The following LIPJ variants were observed in gnomAD, a reference collection of about 807,000 sequenced individuals.
The protein encoded by LIPJ is lipase member J.
In LIPJ, 33 loss-of-function variants were observed where a neutral mutation model predicts 39.8. The observed-to-expected ratio is 0.83, with a 90% CI of 0.63 to 1.11. The LOEUF is 1.11. Ranked by LOEUF, LIPJ falls within the 50% of genes least tolerant of loss-of-function variation. LIPJ has a pLI of 0.00. For synonymous variants in LIPJ, 128 were observed against 139.2 expected (o/e 0.92, Z 0.57); for missense variants, 422 against 427.9 (o/e 0.99, Z 0.12).
chr10:88,596,162 ATAAGT>A, intron 6 of LIPJ, 113 bp from the exon 7 acceptor site: 2 of 637,490 alleles, frequency 3.1e-6, no homozygotes, highest in South Asian at 4.9e-5. Context: ...GAATTAAGAA[ATAAGT>A]TAATTGTTCA....
chr10:88,618,118 C>T, the LIPJ span: 1 of 151,978 alleles, frequency 6.6e-6, no homozygotes, highest in African/African-American at 2.4e-5. Context: ...CATGTACAAT[C>T]TGCATGTGGA....
intron 4 of LIPJ, 54 bp from the exon 5 acceptor site, chr10:88,593,892 T>A: frequency 6.8e-7 from 1 of 1,467,426 alleles, no homozygotes; most frequent in East Asian, 2.3e-5. Flanking sequence ...GATAAAAGAT[T>A]TTCATATAGA....
the LIPJ span, among the ~76,000 whole-genome samples, chr10:88,612,786 T>C: frequency 1.3e-5 from 2 of 151,832 alleles, no homozygotes; most frequent in Non-Finnish European, 2.9e-5. Flanking sequence ...ACAATAATAA[T>C]GGGGAACTTT....
At chr10:88,601,869 C>A (rs990108340) in intron 8 of LIPJ, among the ~76,000 whole-genome samples, 2 of 152,102 alleles carry the variant, frequency 1.3e-5, no homozygotes, top group African/African-American at 4.8e-5. Flanking sequence ...GTAAGACAGG[C>A]CTTTTCTTCT....
At chr10:88,587,089 C>T (rs1850936563) in intron 1 of LIPJ, 177 bp from the exon 2 acceptor site, 1 of 151,678 alleles carries the variant, frequency 6.6e-6, no homozygotes, top group African/African-American at 2.4e-5. Context: ...CTTTTAATTG[C>T]TTTTTAATGG....
At chr10:88,583,383 G>T (rs531052114), upstream of LIPJ, 4 of 1,387,106 alleles carry the variant, frequency 2.9e-6, no homozygotes, top group African/African-American at 6.0e-5. Context: ...AGGCCCCTCC[G>T]TCCTTGAGGA....
intron 8 of LIPJ, among the ~76,000 whole-genome samples, chr10:88,599,537 C>A (rs1176956010): frequency 6.6e-6 from 1 of 151,834 alleles, no homozygotes; most frequent in Admixed American, 6.6e-5. Context: ...ACTTGTCTTT[C>A]TCTATTTGGC....
upstream of LIPJ, chr10:88,583,703 A>G: frequency 1.0e-6 from 1 of 985,802 alleles, no homozygotes; most frequent in Non-Finnish European, 1.2e-6. Context: ...TAATAGAAAC[A>G]TCTTTTGGAA....
exon 8 of LIPJ, chr10:88,596,888 C>T (rs750286551): frequency 1.3e-6 from 2 of 1,587,532 alleles, no homozygotes; most frequent in South Asian, 2.2e-5. Context: ...AGATTTGCCT[C>T]AATATCTTGT....
upstream of LIPJ, among the ~76,000 whole-genome samples, chr10:88,586,058 T>G (rs894386189): frequency 2.6e-5 from 4 of 152,238 alleles, no homozygotes; most frequent in East Asian, 7.7e-4. Context: ...CTGTTCTCTG[T>G]GTATACAGCA....
chr10:88,607,251 G>A (rs1237940845), downstream of LIPJ, among the ~76,000 whole-genome samples: 2 of 152,040 alleles, frequency 1.3e-5, no homozygotes, highest in Admixed American at 1.3e-4. Context: ...TAAAAATAGA[G>A]TTTTGAGAAA....
chr10:88,602,550 CTTT>C (rs11343654), intron 8 of LIPJ, 23 bp from the exon 9 acceptor site: 33,383 of 1,005,882 alleles, frequency 0.033, no homozygotes, highest in East Asian at 0.051. Flanking sequence ...TATAAAAATG[CTTT>C]TTTTTTTTTT....
intron 9 of LIPJ, among the ~76,000 whole-genome samples, chr10:88,604,013 C>T (rs1211783355): frequency 6.6e-6 from 1 of 152,158 alleles, no homozygotes; most frequent in Non-Finnish European, 1.5e-5. Context: ...AAAACAAGAA[C>T]TCCTGTCATC....
chr10:88,604,786 G>A (rs991698756), intron 9 of LIPJ, among the ~76,000 whole-genome samples: 16 of 152,128 alleles, frequency 1.1e-4, no homozygotes, highest in African/African-American at 3.6e-4. Flanking sequence ...TAGAATTTAG[G>A]AAAGACTTAT....
the LIPJ span, among the ~76,000 whole-genome samples, chr10:88,619,982 A>G: frequency 6.6e-6 from 1 of 152,202 alleles, no homozygotes; most frequent in Admixed American, 6.5e-5. Flanking sequence ...AACTTGGAGA[A>G]ATATTTGCAC....
At chr10:88,615,792 A>G in the LIPJ span, among the ~76,000 whole-genome samples, 1 of 152,220 alleles carries the variant, frequency 6.6e-6, no homozygotes. Context: ...TGGCCTGGAA[A>G]TATCTACTAA....
At chr10:88,610,525 T>C (rs1851735566), downstream of LIPJ, among the ~76,000 whole-genome samples, 1 of 152,170 alleles carries the variant, frequency 6.6e-6, no homozygotes, top group South Asian at 2.1e-4. Context: ...CCCTGGGCTC[T>C]TTTTTTCTTA....
chr10:88,586,126 TTTC>T, upstream of LIPJ, among the ~76,000 whole-genome samples: 1 of 152,328 alleles, frequency 6.6e-6, no homozygotes, highest in South Asian at 2.1e-4. Flanking sequence ...GTCTTTTTTC[TTTC>T]TCCCTATGAT....
At chr10:88,613,816 GTATATATATA>G in the LIPJ span, among the ~76,000 whole-genome samples, 8 of 69,654 alleles carry the variant, frequency 1.1e-4, no homozygotes, top group South Asian at 4.8e-4. Flanking sequence ...GTGTGTGTGT[GTATATATATA>G]TATGTGTGTA....
Sources: gnomAD v4.1 joint callset for allele counts (sites outside exome capture counted in the v4.1 genomes callset) on GRCh38, gnomAD v4.1.1 for gene constraint, MANE v1.5 for transcripts, NCBI Gene and HGNC (gene_info 2026-07-23, HGNC 2026-07-21) for gene names.